Variants in COL27A1 observed in about 807,000 individuals in gnomAD.
COL27A1 encodes collagen type XXVII alpha 1 chain.
COL27A1 carries 106 observed loss-of-function variants against 251.3 expected under a neutral mutation model. The observed-to-expected ratio is 0.42, with a 90% CI of 0.36 to 0.50. The LOEUF (loss-of-function observed/expected upper bound fraction) is 0.50, where lower values mean the gene tolerates loss of function less well. Among genes scored for constraint, COL27A1 ranks in the 20% least tolerant of loss-of-function variants. COL27A1 has a pLI of 0.00. For missense variants in COL27A1, 2,325 were observed against 2,522.8 expected (o/e 0.92, Z 1.68); for synonymous variants, 1,000 against 986.3 (o/e 1.01, Z -0.26).
chr9:114,164,076 CA>C (rs1848672391), intron 2 of COL27A1, among the ~76,000 whole-genome samples: 1 of 152,144 alleles, frequency 6.6e-6, no homozygotes, highest in Non-Finnish European at 1.5e-5. Context: ...TGGCTAAGCA[CA>C]AAGACCCCAG....
chr9:114,299,147 A>G (rs1828444100), intron 49 of COL27A1, among the ~76,000 whole-genome samples: 1 of 152,198 alleles, frequency 6.6e-6, no homozygotes, highest in Non-Finnish European at 1.5e-5. Flanking sequence ...GCCTACCTCC[A>G]TCAGCACTGG....
intron 5 of COL27A1, among the ~76,000 whole-genome samples, chr9:114,188,086 T>A (rs1199919204): frequency 6.6e-6 from 1 of 152,202 alleles, no homozygotes; most frequent in Non-Finnish European, 1.5e-5. Flanking sequence ...ACAGCTTTAT[T>A]GATGTGGCAG....
rs762962423 is a variant in COL27A1 at position 114,290,857 on chromosome 9, G to T, written c.4416G>T (p.Gly1472=). Residue 1472 remains glycine, a synonymous_variant, in exon 48 of 61, where the codon GGG becomes GGT. Transcript: ENST00000356083. The surrounding 1 kb of genome is among the most constrained non-coding windows in gnomAD (Gnocchi z 4.6). The part of the protein sequence containing the change: ...DGDPGPMGPA[G]KRGNPGVAGL... ...ACCCTGGCCCCATGGGCCCTGCTGG[G>T]AAGAGAGGAAATCCAGGTGTGGCCG... The T allele has an allele frequency of 2.6e-6, 4 of 1,551,904 alleles. No homozygotes were observed. Among genetic ancestry groups the T allele is most frequent in the Non-Finnish European group, 3.5e-6 (4 of 1,147,038 alleles).
rs1828636190 is a variant in COL27A1, at chr9:114,301,535, C to G, written c.4809+73C>G. 3.2e-6 allele frequency: 5 copies of G among 1,561,080 alleles called. No homozygotes were observed. The African/African-American group carries it at 4.1e-5, about 13-fold the overall frequency. ...ACCCTGCATTCTCCTCCCGGTGGTA[C>G]ATTCTCTCCCTCCGGACCTCCGTCA... is the stretch of plus-strand genomic sequence containing the variant. On this transcript the variant is annotated intron_variant, in intron 54 of 60. Coordinates refer to ENST00000356083, the MANE Select transcript of COL27A1 (RefSeq NM_032888.4).
intron 7 of COL27A1, among the ~76,000 whole-genome samples, chr9:114,204,685 G>A (rs1322056787): frequency 6.6e-6 from 1 of 152,136 alleles, no homozygotes; most frequent in African/African-American, 2.4e-5. Context: ...GTGTGACGTG[G>A]TGGCTCAGCA....
chr9:114,201,937 C>T (rs557076734), intron 7 of COL27A1, among the ~76,000 whole-genome samples: 5 of 152,242 alleles, frequency 3.3e-5, no homozygotes, highest in East Asian at 1.9e-4. Flanking sequence ...ACAGGCCAGG[C>T]GCTGCCCCTA....
At chr9:114,298,466 T>C (rs4979365) in intron 49 of COL27A1, among the ~76,000 whole-genome samples, 13,199 of 152,286 alleles carry the variant, frequency 0.087, 876 homozygotes, top group East Asian at 0.24. Flanking sequence ...TACAAAAGTA[T>C]AGTAATCAAG....
chr9:114,268,893 C>G (rs1297215155), intron 34 of COL27A1: 1 of 201,560 alleles, frequency 5.0e-6, no homozygotes, highest in African/African-American at 2.3e-5. Flanking sequence ...CTGTGATTAC[C>G]CCACTGCACT....
intron 14 of COL27A1, among the ~76,000 whole-genome samples, chr9:114,223,184 G>A (rs377200955): frequency 2.8e-4 from 42 of 152,180 alleles, no homozygotes; most frequent in African/African-American, 9.2e-4. Context: ...CACTCCAAGT[G>A]TCCCCATAAT....
At chr9:114,177,373 A>G (rs749906598) in intron 3 of COL27A1, among the ~76,000 whole-genome samples, 14 of 152,282 alleles carry the variant, frequency 9.2e-5, no homozygotes, top group African/African-American at 2.2e-4. Flanking sequence ...GAGCCCTTAA[A>G]TGTTGTTGAG....
chr9:114,181,438 A>G (rs955728807), intron 4 of COL27A1, among the ~76,000 whole-genome samples: 51 of 152,224 alleles, frequency 3.4e-4, no homozygotes, highest in African/African-American at 1.2e-3. Context: ...TTGGAATGTG[A>G]CAGGCTGCAG....
intron 12 of COL27A1, among the ~76,000 whole-genome samples, chr9:114,212,922 C>T (rs1235481340): frequency 2.6e-5 from 4 of 152,176 alleles, no homozygotes; most frequent in South Asian, 2.1e-4. Flanking sequence ...CTTGCTTAGG[C>T]GATCTCAGCT....
At chr9:114,171,503 A>T (rs1545001) in intron 3 of COL27A1, among the ~76,000 whole-genome samples, 28,682 of 151,372 alleles carry the variant, frequency 0.19, 2,945 homozygotes, top group Middle Eastern at 0.36. Context: ...TCACTCTATC[A>T]CCCAGGCTGC....
intron 60 of COL27A1, 132 bp from the exon 61 acceptor site, chr9:114,310,417 A>T: frequency 1.1e-6 from 1 of 911,294 alleles, no homozygotes. Context: ...TAAATGTGCC[A>T]TATAGGTCAT....
rs1828622899 is a variant in COL27A1 at position 114,301,440 on chromosome 9, T to G, written c.4792-5T>G. On this transcript the variant is annotated splice_polypyrimidine_tract_variant and splice_region_variant and intron_variant, in intron 53 of 60. Coordinates refer to ENST00000356083, the MANE Select transcript of COL27A1 (RefSeq NM_032888.4). The stretch of plus-strand genomic sequence containing the variant: ...ACTCTCTCCCCTGCTTCTGTCTCCC[T>G]CCAGGGATTGCAAGGTCCGAGGGTG... The G allele has an allele frequency of 6.5e-7, 1 of 1,528,032 alleles. No individual in the cohort carries two copies. The highest frequency in any genetic ancestry group is 8.8e-7 in the Non-Finnish European group (1 of 1,131,770). The allele number at this position is 1,528,032 out of a possible 1,614,324, so 94.7% of individuals were successfully genotyped here. A position where few individuals can be genotyped will look rare whatever the true frequency, so the allele number is the denominator to read the frequency against.
intron 22 of COL27A1, among the ~76,000 whole-genome samples, chr9:114,242,674 C>T (rs1486872911): frequency 3.3e-5 from 5 of 152,310 alleles, no homozygotes; most frequent in East Asian, 1.9e-4. Flanking sequence ...ACCAGCAGCT[C>T]ATGAAATTTC....
At chr9:114,252,679 C>T in intron 26 of COL27A1, 33 bp downstream of exon 26, 3 of 1,595,570 alleles carry the variant, frequency 1.9e-6, no homozygotes, top group Non-Finnish European at 2.6e-6. Context: ...CTTGCCCTCT[C>T]CTGTTGCAGC....
chr9:114,312,155 T>G lies in COL27A1; in HGVS notation c.*1460T>G, dbSNP rs549623732. On this transcript the variant is annotated 3_prime_UTR_variant, in exon 61 of 61. Transcript: ENST00000356083. Reference sequence around the variant, plus strand: ...TAGAAGGGGAAAATGTATGTGAAAGTCTCTATTTGTGTATTTCTCTCCTAA... The same window carrying G: ...TAGAAGGGGAAAATGTATGTGAAAGGCTCTATTTGTGTATTTCTCTCCTAA... 6 of 152,284 alleles carry G rather than the reference T, an allele frequency of 3.9e-5. No individual in the cohort carries two copies. The East Asian group carries it at 1.2e-3, about 29-fold the overall frequency. 9.4% of individuals were successfully genotyped at this position (152,284 alleles called of 1,614,324 possible).
chr9:114,305,994 T>C (rs1829012674), intron 57 of COL27A1, among the ~76,000 whole-genome samples: 1 of 152,164 alleles, frequency 6.6e-6, no homozygotes, highest in Non-Finnish European at 1.5e-5. Context: ...TTAGCATCTG[T>C]GGTCCCCTCC....
Sources: gnomAD v4.1 joint callset for allele counts (sites outside exome capture counted in the v4.1 genomes callset) on GRCh38, gnomAD v4.1.1 for gene constraint, Gnocchi (gnomAD v3.1) non-coding constraint, MANE v1.5 for transcripts, NCBI Gene and HGNC (gene_info 2026-07-23, HGNC 2026-07-21) for gene names.